GLI2: variants seen among roughly 807,000 people sequenced by gnomAD.
GLI2 encodes transcription activator GLI2.
GLI2 carries 22 observed loss-of-function variants against 78.9 expected under a neutral mutation model. The observed-to-expected ratio is 0.28, with a 90% CI of 0.20 to 0.40. The LOEUF (loss-of-function observed/expected upper bound fraction) is 0.40. GLI2 is among the 10% of genes least tolerant of loss of function. GLI2 has a pLI of 1.00. For missense variants in GLI2, 2,097 were observed against 2,213.2 expected, an observed-to-expected ratio of 0.95 and a Z score of 1.05; for synonymous variants, 974 against 963.7, an observed-to-expected ratio of 1.01 and a Z score of -0.20.
chr2:120,783,802 A>G (rs1683916063), intron 1 of GLI2, among the ~76,000 whole-genome samples: 1 of 152,182 alleles, frequency 6.6e-6, no homozygotes. Flanking sequence ...TATGAAAACC[A>G]CTTAAAGTCT....
chr2:120,787,828 G>C (rs1444477166), intron 1 of GLI2, among the ~76,000 whole-genome samples: 1 of 152,140 alleles, frequency 6.6e-6, no homozygotes, highest in East Asian at 1.9e-4. Flanking sequence ...TCTCCAGGGA[G>C]GAAGGTGATG....
Position 120,775,318 on chromosome 2 carries a change from G to A in GLI2, c.-30-21973G>A, listed in dbSNP as rs1374949960. Among the ~76,000 whole-genome samples, 3 of 152,194 alleles carry A rather than the reference G, an allele frequency of 2.0e-5. No homozygotes were observed. The East Asian group carries it at 5.8e-4, about 29-fold the overall frequency. ...AGCTATTGCTAATTAATTTTCTTCC[G>A]AAATGACAACATTTAATAATTATGC... On this transcript the variant is annotated intron_variant, in intron 1 of 13. Coordinates refer to ENST00000361492, the MANE Select transcript of GLI2 (RefSeq NM_001374353.1).
intron 1 of GLI2, among the ~76,000 whole-genome samples, chr2:120,743,011 G>GA (rs1267750255): frequency 6.6e-6 from 1 of 152,194 alleles, no homozygotes; most frequent in Non-Finnish European, 1.5e-5. Context: ...TTGATGACCA[G>GA]AAAATAGCTC....
At chr2:120,932,482 C>T (rs540999282) in intron 3 of GLI2, among the ~76,000 whole-genome samples, 2 of 152,290 alleles carry the variant, frequency 1.3e-5, no homozygotes, top group East Asian at 3.9e-4. Context: ...TCTGCCCCTC[C>T]GGAGTACCTT....
At chr2:120,944,446 A>G (rs954443083) in intron 3 of GLI2, among the ~76,000 whole-genome samples, 2 of 152,210 alleles carry the variant, frequency 1.3e-5, no homozygotes, top group African/African-American at 2.4e-5. Flanking sequence ...CTGCAACAGC[A>G]CCAAAGCCAT....
chr2:120,855,771 G>A (rs2104622659), intron 2 of GLI2, among the ~76,000 whole-genome samples: 1 of 152,348 alleles, frequency 6.6e-6, no homozygotes, highest in South Asian at 2.1e-4. Flanking sequence ...AGACCACAGA[G>A]GTGATGTGAT....
chr2:120,806,613 A>T (rs1299878821), intron 2 of GLI2, among the ~76,000 whole-genome samples: 3 of 152,090 alleles, frequency 2.0e-5, no homozygotes, highest in Non-Finnish European at 4.4e-5. Flanking sequence ...GCGTGAGTCC[A>T]TATGTCTCCT....
chr2:120,891,186 C>T (rs1219562217), intron 2 of GLI2, among the ~76,000 whole-genome samples: 3 of 152,094 alleles, frequency 2.0e-5, no homozygotes, highest in African/African-American at 4.8e-5. Context: ...GTAGCAGGCA[C>T]CCCTCACCCA....
intron 2 of GLI2, among the ~76,000 whole-genome samples, chr2:120,857,815 C>G (rs1442492775): frequency 6.7e-6 from 1 of 149,566 alleles, no homozygotes. Flanking sequence ...TTTGCACGCA[C>G]AGCCTGATGG....
At chr2:120,739,903 A>C (rs1161847260) in intron 1 of GLI2, among the ~76,000 whole-genome samples, 1 of 152,168 alleles carries the variant, frequency 6.6e-6, no homozygotes, top group Non-Finnish European at 1.5e-5. Context: ...ATCGGGGAGG[A>C]AAAACTGCTC....
intron 2 of GLI2, among the ~76,000 whole-genome samples, chr2:120,870,087 AG>A (rs2104671626): frequency 6.6e-6 from 1 of 152,314 alleles, no homozygotes; most frequent in Admixed American, 6.5e-5. Context: ...TGAAGTGCAA[AG>A]CTATCAAGGC....
At chr2:120,976,618 T>C (rs1406133079) in intron 9 of GLI2, among the ~76,000 whole-genome samples, 1 of 152,198 alleles carries the variant, frequency 6.6e-6, no homozygotes, top group African/African-American at 2.4e-5. Flanking sequence ...AGCATGCAGA[T>C]GAGGATGTCA....
chr2:120,870,767 CAT>C (rs1383263153), intron 2 of GLI2, among the ~76,000 whole-genome samples: 1 of 152,108 alleles, frequency 6.6e-6, no homozygotes, highest in Non-Finnish European at 1.5e-5. Flanking sequence ...TTCCACAGGT[CAT>C]ATAACCCTCT....
intron 2 of GLI2, among the ~76,000 whole-genome samples, chr2:120,814,039 T>TG (rs1344998633): frequency 6.7e-6 from 1 of 149,376 alleles, no homozygotes; most frequent in Non-Finnish European, 1.5e-5. Context: ...GCTTCATCCC[T>TG]GGGGGGACTC....
chr2:120,929,642 C>T (rs1372180750), intron 3 of GLI2, among the ~76,000 whole-genome samples: 4 of 152,184 alleles, frequency 2.6e-5, no homozygotes, highest in African/African-American at 9.7e-5. Flanking sequence ...TTCCAGTTGT[C>T]CCAGATTTGG....
At chr2:120,763,808 T>C (rs759836013) in intron 1 of GLI2, among the ~76,000 whole-genome samples, 8 of 152,234 alleles carry the variant, frequency 5.3e-5, no homozygotes, top group Non-Finnish European at 8.8e-5. Flanking sequence ...CTGATGTGTC[T>C]GTGGGTGGGG....
rs1324342977 is a variant in GLI2, at chr2:120,890,579, T to C, written c.149-36782T>C. ...ACTATCAGTATCTTGATTCTGATATTGCACTGTAGCTTTGCAAGACATGAT... is the reference window on the plus strand; with the variant it reads ...ACTATCAGTATCTTGATTCTGATATCGCACTGTAGCTTTGCAAGACATGAT... On this transcript the variant is annotated intron_variant, in intron 2 of 13. Coordinates refer to ENST00000361492, the MANE Select transcript of GLI2 (RefSeq NM_001374353.1). Among the ~76,000 whole-genome samples, 4 of 152,338 alleles carry C rather than the reference T, an allele frequency of 2.6e-5. No homozygotes were observed. In the East Asian group the frequency reaches 7.7e-4, roughly 29 times the overall value.
chr2:120,978,938 A>G (rs1309310682), intron 10 of GLI2, among the ~76,000 whole-genome samples: 1 of 152,166 alleles, frequency 6.6e-6, no homozygotes, highest in African/African-American at 2.4e-5. Context: ...CTCTGCAGAG[A>G]AAAAAACATC....
chr2:120,792,768 G>C (rs1684208292), intron 1 of GLI2, among the ~76,000 whole-genome samples: 1 of 152,080 alleles, frequency 6.6e-6, no homozygotes, highest in Non-Finnish European at 1.5e-5. Flanking sequence ...GACTACAGGT[G>C]CACGCCACCA....
Sources: allele counts gnomAD v4.1 joint callset (sites outside exome capture counted in the v4.1 genomes callset), GRCh38; gene constraint gnomAD v4.1.1; transcripts MANE v1.5; gene names NCBI Gene and HGNC (gene_info 2026-07-23, HGNC 2026-07-21).